Variants in ITGBL1 observed in about 807,000 individuals in gnomAD.
The protein encoded by ITGBL1 is integrin subunit beta like 1, also known as integrin beta-like protein 1.
ITGBL1 carries 51 observed loss-of-function variants against 68.5 expected under a neutral mutation model. That is an observed-to-expected ratio of 0.74 (90% CI 0.59 to 0.94). The LOEUF (loss-of-function observed/expected upper bound fraction) is 0.94, where lower values mean the gene tolerates loss of function less well. ITGBL1 is among the 40% of genes least tolerant of loss of function. The pLI is 0.00. For missense variants in ITGBL1, 649 were observed against 647.4 expected, an observed-to-expected ratio of 1.00 and a Z score of -0.03; for synonymous variants, 209 against 227.3, an observed-to-expected ratio of 0.92 and a Z score of 0.72.
At chr13:101,605,638 AT>A in intron 7 of ITGBL1, among the ~76,000 whole-genome samples, 1 of 151,456 alleles carries the variant, frequency 6.6e-6, no homozygotes, top group East Asian at 2.0e-4. Flanking sequence ...GTAGACATGT[AT>A]GTGTGTATGC....
intron 2 of ITGBL1, among the ~76,000 whole-genome samples, chr13:101,454,399 TCCC>T (rs10524609): frequency 0.031 from 4,233 of 135,530 alleles, 137 homozygotes; most frequent in Middle Eastern, 0.055. Flanking sequence ...CCCTGGCTGG[TCCC>T]CCCCCCCCCC....
intron 7 of ITGBL1, among the ~76,000 whole-genome samples, chr13:101,605,531 T>G (rs968201614): frequency 6.6e-6 from 1 of 151,138 alleles, no homozygotes. Flanking sequence ...GACATATGTA[T>G]ATGCGTATAT....
intron 7 of ITGBL1, among the ~76,000 whole-genome samples, chr13:101,653,484 CAA>C (rs1051804165): frequency 6.6e-6 from 1 of 151,882 alleles, no homozygotes; most frequent in Non-Finnish European, 1.5e-5. Context: ...AATCAATCAA[CAA>C]AAGTCAGTCA....
At chr13:101,564,070 A>G (rs1323486408) in intron 2 of ITGBL1, among the ~76,000 whole-genome samples, 1 of 151,980 alleles carries the variant, frequency 6.6e-6, no homozygotes, top group Non-Finnish European at 1.5e-5. Flanking sequence ...AATTCTCTCT[A>G]CTTTTATCTA....
chr13:101,571,860 G>A lies in ITGBL1; in HGVS notation c.464-3564G>A, dbSNP rs185395660. Among the ~76,000 whole-genome samples, 14 of 152,196 alleles carry A rather than the reference G, an allele frequency of 9.2e-5. 1 individual carries two copies. The East Asian group carries it at 2.7e-3, about 29-fold the overall frequency. On this transcript the variant is annotated intron_variant, in intron 3 of 10. Coordinates refer to ENST00000376180, the MANE Select transcript of ITGBL1 (RefSeq NM_004791.3). Reference sequence around the variant, plus strand: ...TCTCTTTATTTTTTCAAAAGCACAGGACTGGATTCTATGTATGCAATGTAA... The same window carrying A: ...TCTCTTTATTTTTTCAAAAGCACAGAACTGGATTCTATGTATGCAATGTAA...
At chr13:101,717,762 T>C (rs1259531890), downstream of ITGBL1, 3 of 152,132 alleles carry the variant, frequency 2.0e-5, no homozygotes, top group African/African-American at 7.2e-5. Context: ...TAAGGGTGGA[T>C]TTGGCTGGCA....
rs1042330822 is a variant in ITGBL1, at chr13:101,513,791, A to G, written c.317-53908A>G. Among the ~76,000 whole-genome samples the G allele has an allele frequency of 2.0e-5, 3 of 152,218 alleles. No individual in the cohort carries two copies. The East Asian group carries it at 5.8e-4, about 29-fold the overall frequency. On this transcript the variant is annotated intron_variant, in intron 2 of 10. Coordinates refer to ENST00000376180, the MANE Select transcript of ITGBL1 (RefSeq NM_004791.3). Reference sequence around the variant, plus strand: ...AATGAATTGTTAACGAGGATGTATTATTCACATCTGCAGTAATTATTTTGC... The same window carrying G: ...AATGAATTGTTAACGAGGATGTATTGTTCACATCTGCAGTAATTATTTTGC...
At chr13:101,654,038 T>C (rs1054284821) in intron 7 of ITGBL1, among the ~76,000 whole-genome samples, 1 of 151,732 alleles carries the variant, frequency 6.6e-6, no homozygotes, top group Non-Finnish European at 1.5e-5. Context: ...GACTTATGTG[T>C]TGAGAAATAA....
At chr13:101,684,344 C>G (rs1374488911) in intron 7 of ITGBL1, among the ~76,000 whole-genome samples, 1 of 151,834 alleles carries the variant, frequency 6.6e-6, no homozygotes, top group African/African-American at 2.4e-5. Flanking sequence ...TGGTGCTTTC[C>G]ATTTCTGTAT....
At chr13:101,641,086 G>A (rs774138092) in intron 7 of ITGBL1, among the ~76,000 whole-genome samples, 3 of 152,092 alleles carry the variant, frequency 2.0e-5, no homozygotes, top group Non-Finnish European at 4.4e-5. Flanking sequence ...TTCCTTAGTT[G>A]TTTCATGTGT....
At chr13:101,564,898 A>G (rs187283371) in intron 2 of ITGBL1, among the ~76,000 whole-genome samples, 102 of 152,068 alleles carry the variant, frequency 6.7e-4, no homozygotes, top group African/African-American at 2.0e-3. Context: ...AAGAAGATAG[A>G]TGTATTGCAA....
chr13:101,711,055 T>C lies in ITGBL1; in HGVS notation c.1280-3383T>C, dbSNP rs150649374. ...GTGCCTTGCCCTTAGACTCAAATTG[T>C]TTTTGTGAATAACCAAGAGAGATGA... On this transcript the variant is annotated intron_variant, in intron 9 of 10. Transcript: ENST00000376180. 3.9e-5 allele frequency: 6 copies of C among 152,254 alleles called. 1 individual carries two copies. The East Asian group carries it at 1.2e-3, about 29-fold the overall frequency. The allele number at this position is 152,254 out of a possible 1,614,324, so 9.4% of individuals were successfully genotyped here.
intron 7 of ITGBL1, among the ~76,000 whole-genome samples, chr13:101,642,680 G>C (rs1227373212): frequency 3.3e-5 from 5 of 150,760 alleles, no homozygotes; most frequent in Non-Finnish European, 4.4e-5. Flanking sequence ...TTTCTTCCAG[G>C]GTTTTTATGG....
At chr13:101,651,782 T>C (rs9582514) in intron 7 of ITGBL1, among the ~76,000 whole-genome samples, 2,958 of 152,308 alleles carry the variant, frequency 0.019, 95 homozygotes, top group African/African-American at 0.067. Flanking sequence ...TAGATTTTCT[T>C]CTAGGGTTTT....
At position 101,706,859 on chromosome 13, in the gene ITGBL1, G is replaced by A. The variant is rs1566800125; in HGVS notation, c.1236G>A (p.Lys412=). 8.7e-6 allele frequency: 14 copies of A among 1,614,174 alleles called. No homozygotes were observed. Among genetic ancestry groups the A allele is most frequent in the Non-Finnish European group, 1.0e-5 (12 of 1,180,020 alleles). Residue 412 remains lysine, a synonymous_variant, in exon 9 of 11, where the codon AAG becomes AAA. Transcript: ENST00000376180. ...GTAACATGACGGAAGAACAAAGCAA[G>A]AATCTGTGTGAATCAGCAGATGGCA... ...RKCNMTEEQS[K]NLCESADGIL... is the part of the protein sequence containing the mutation.
downstream of ITGBL1, chr13:101,717,161 A>G (rs1245571762): frequency 2.6e-5 from 4 of 152,160 alleles, no homozygotes; most frequent in East Asian, 1.9e-4. Flanking sequence ...CTTAAACTTT[A>G]TAAGTCAAAT....
intron 7 of ITGBL1, among the ~76,000 whole-genome samples, chr13:101,600,163 A>G (rs1333714505): frequency 6.6e-6 from 1 of 152,106 alleles, no homozygotes; most frequent in East Asian, 1.9e-4. Context: ...ATCCCTTGTA[A>G]GTTGGATTGC....
chr13:101,552,238 A>G (rs1293545503), intron 2 of ITGBL1, among the ~76,000 whole-genome samples: 1 of 152,220 alleles, frequency 6.6e-6, no homozygotes, highest in Non-Finnish European at 1.5e-5. Flanking sequence ...GAGATGGGGC[A>G]TCAGAACAGA....
chr13:101,458,808 T>C (rs1279717837), intron 2 of ITGBL1, among the ~76,000 whole-genome samples: 1 of 152,240 alleles, frequency 6.6e-6, no homozygotes, highest in East Asian at 1.9e-4. Flanking sequence ...TTTTATTTTC[T>C]GAATAGTTTT....
Sources: gnomAD v4.1 joint callset for allele counts (sites outside exome capture counted in the v4.1 genomes callset) on GRCh38, gnomAD v4.1.1 for gene constraint, MANE v1.5 for transcripts, NCBI Gene and HGNC (gene_info 2026-07-23, HGNC 2026-07-21) for gene names.